The following IKZF1 variants were observed in gnomAD, a reference collection of about 807,000 sequenced individuals.
IKZF1 encodes DNA-binding protein Ikaros.
Under a neutral mutation model 51.7 loss-of-function variants are expected in IKZF1, and 10 were observed. The observed-to-expected ratio is 0.19, with a 90% confidence interval of 0.12 to 0.33. The LOEUF (loss-of-function observed/expected upper bound fraction) is 0.33, where lower values mean the gene tolerates loss of function less well. IKZF1 is among the 10% of genes least tolerant of loss of function. IKZF1 has a pLI of 1.00. For missense variants in IKZF1, 484 were observed against 707.5 expected (o/e 0.68, Z 3.58); for synonymous variants, 280 against 282.3 (o/e 0.99, Z 0.08).
At chr7:50,396,383 G>A (rs1234657827) in intron 7 of IKZF1, among the ~76,000 whole-genome samples, 1 of 151,684 alleles carries the variant, frequency 6.6e-6, no homozygotes, top group Non-Finnish European at 1.5e-5. Flanking sequence ...ATATTATTTT[G>A]CTCCTTATTT....
rs189792539 is a variant in IKZF1, at chr7:50,369,001, C to G, written c.161-7532C>G. On this transcript the variant is annotated intron_variant, in intron 3 of 7. Coordinates refer to ENST00000331340, the MANE Select transcript of IKZF1 (RefSeq NM_006060.6). ...AACAGTATCAAAGTACATCTTTTTG[C>G]TCACAAACTAGATTGGCTACTTTTC... The G allele has an allele frequency of 9.8e-5, 22 of 223,458 alleles. No individual in the cohort carries two copies. The Admixed American group carries it at 1.3e-3, about 13-fold the overall frequency. 13.8% of individuals were successfully genotyped at this position (223,458 alleles called of 1,614,324 possible).
chr7:50,340,463 T>C (rs878881652), intron 3 of IKZF1, among the ~76,000 whole-genome samples: 2,562 of 152,358 alleles, frequency 0.017, 72 homozygotes, highest in African/African-American at 0.056. Context: ...GCCTTCAGCA[T>C]GGCCCCCTGC....
At chr7:50,385,966 G>C (rs1208487642) in intron 5 of IKZF1, among the ~76,000 whole-genome samples, 1 of 152,166 alleles carries the variant, frequency 6.6e-6, no homozygotes, top group Non-Finnish European at 1.5e-5. Flanking sequence ...GTTCACCTAA[G>C]AAAGAGATTT....
intron 4 of IKZF1, among the ~76,000 whole-genome samples, chr7:50,380,072 G>T (rs779811494): frequency 6.6e-6 from 1 of 152,188 alleles, no homozygotes. Flanking sequence ...CCCCGGCCAC[G>T]CAAGAACACA....
intron 7 of IKZF1, among the ~76,000 whole-genome samples, chr7:50,397,965 A>G (rs537495453): frequency 2.0e-5 from 3 of 152,378 alleles, no homozygotes; most frequent in South Asian, 4.1e-4. Context: ...AAAATAAGAC[A>G]TGAAACTCAA....
At chr7:50,324,613 A>G (rs1719101320) in intron 2 of IKZF1, among the ~76,000 whole-genome samples, 1 of 152,138 alleles carries the variant, frequency 6.6e-6, no homozygotes, top group Admixed American at 6.5e-5. Flanking sequence ...ATGTCCTGAG[A>G]TGCAAGATCA....
chr7:50,383,900 A>T (rs571358866), intron 5 of IKZF1, among the ~76,000 whole-genome samples: 1 of 152,254 alleles, frequency 6.6e-6, no homozygotes, highest in Admixed American at 6.5e-5. Flanking sequence ...TGAGGGTTTT[A>T]GAGGCTGCTC....
chr7:50,387,728 G>T (rs1813818785), intron 6 of IKZF1, among the ~76,000 whole-genome samples: 1 of 152,136 alleles, frequency 6.6e-6, no homozygotes. Flanking sequence ...AAACTCCTAG[G>T]ATAGCAGTGA....
intron 1 of IKZF1, among the ~76,000 whole-genome samples, chr7:50,317,179 T>A (rs1305573674): frequency 6.6e-6 from 1 of 152,234 alleles, no homozygotes; most frequent in African/African-American, 2.4e-5. Context: ...TAAGTCAGCA[T>A]TCTAAAAATT....
chr7:50,390,486 AAT>A (rs1746273820), intron 6 of IKZF1, among the ~76,000 whole-genome samples: 1 of 152,266 alleles, frequency 6.6e-6, no homozygotes, highest in African/African-American at 2.4e-5. Flanking sequence ...GCCAATTTGA[AAT>A]ATATGTTTTC....
Position 50,319,108 on chromosome 7 carries a change from C to T in IKZF1, c.40+7C>T, listed in dbSNP as rs1792391534. ...GACATGTCCCAAGTTTCAGGTGAGA[C>T]CTTATGAGATAGCTGTGTGGGAAGT... On this transcript the variant is annotated splice_region_variant and intron_variant, in intron 2 of 7. Transcript: ENST00000331340. 6.2e-7 allele frequency: 1 copy of T among 1,612,980 alleles called. No homozygotes were observed. Among genetic ancestry groups the T allele is most frequent in the Non-Finnish European group, 8.5e-7 (1 of 1,179,038 alleles).
At chr7:50,337,120 G>A (rs1364596081) in intron 3 of IKZF1, among the ~76,000 whole-genome samples, 1 of 152,092 alleles carries the variant, frequency 6.6e-6, no homozygotes, top group African/African-American at 2.4e-5. Context: ...GAGGGACCGG[G>A]AGCGGCACAG....
intron 3 of IKZF1, among the ~76,000 whole-genome samples, chr7:50,349,962 C>T (rs534831159): frequency 2.6e-5 from 4 of 152,302 alleles, no homozygotes; most frequent in South Asian, 4.2e-4. Context: ...TTCAGAAAGC[C>T]GTAGGTTTGA....
intron 3 of IKZF1, among the ~76,000 whole-genome samples, chr7:50,355,780 G>GA (rs1345426279): frequency 6.6e-6 from 1 of 152,190 alleles, no homozygotes; most frequent in African/African-American, 2.4e-5. Context: ...AAGGAAGAGG[G>GA]AAAGCGGTGC....
chr7:50,353,174 G>C (rs913529629), intron 3 of IKZF1, among the ~76,000 whole-genome samples: 1 of 152,234 alleles, frequency 6.6e-6, no homozygotes, highest in Non-Finnish European at 1.5e-5. Flanking sequence ...AGGCACAGGA[G>C]GCAGGGAGAG....
chr7:50,370,203 A>G (rs1315110826), intron 3 of IKZF1, among the ~76,000 whole-genome samples: 17 of 152,214 alleles, frequency 1.1e-4, no homozygotes. Context: ...ACTACTTCGG[A>G]CTATCTTTTC....
At chr7:50,332,009 T>A (rs1365077345) in intron 3 of IKZF1, among the ~76,000 whole-genome samples, 1 of 152,190 alleles carries the variant, frequency 6.6e-6, no homozygotes, top group African/African-American at 2.4e-5. Context: ...ACTAGAGAAC[T>A]CTCACCTCTC....
rs1322694961 is a variant in IKZF1 at position 50,403,487 on chromosome 7, G to GT, written c.*2861dup. ...CAGGTTGGCCTGTTGATTACAGCTAGTAATCGCTGTGTCTTGTTCCGCCCC... is the reference window on the plus strand; with the variant it reads ...CAGGTTGGCCTGTTGATTACAGCTAGTTAATCGCTGTGTCTTGTTCCGCCCC... On this transcript the variant is annotated 3_prime_UTR_variant, in exon 8 of 8. Transcript: ENST00000331340. The GT allele has an allele frequency of 4.4e-6, 1 of 228,534 alleles. No individual in the cohort carries two copies. Among genetic ancestry groups the GT allele is most frequent in the Non-Finnish European group, 8.7e-6 (1 of 115,142 alleles). 14.2% of individuals were successfully genotyped at this position (228,534 alleles called of 1,614,324 possible). A position where few individuals can be genotyped will look rare whatever the true frequency, so the allele number is the denominator to read the frequency against.
intron 3 of IKZF1, among the ~76,000 whole-genome samples, chr7:50,343,198 C>T (rs1321650735): frequency 1.8e-5 from 2 of 109,254 alleles, no homozygotes; most frequent in African/African-American, 7.1e-5. Flanking sequence ...CCCTCGTCTC[C>T]CTTCCCCTCG....
Sources: gnomAD v4.1 joint callset for allele counts (sites outside exome capture counted in the v4.1 genomes callset) on GRCh38, gnomAD v4.1.1 for gene constraint, MANE v1.5 for transcripts, NCBI Gene and HGNC (gene_info 2026-07-23, HGNC 2026-07-21) for gene names.